The following NEDD1 variants were observed in gnomAD, a reference collection of about 807,000 sequenced individuals.
The protein encoded by NEDD1 is protein NEDD1.
A neutral mutation model predicts 74.0 loss-of-function variants in NEDD1; 33 were observed. The observed-to-expected ratio is 0.45, with a 90% CI of 0.34 to 0.60. The LOEUF (loss-of-function observed/expected upper bound fraction) is 0.60, where lower values mean the gene tolerates loss of function less well. NEDD1 is among the 20% of genes least tolerant of loss of function. The pLI, the probability that NEDD1 is intolerant of heterozygous loss-of-function variation, is 0.01. For missense variants in NEDD1, 746 were observed against 776.5 expected (o/e 0.96, Z 0.47); for synonymous variants, 250 against 264.4 (o/e 0.95, Z 0.53).
chr12:96,924,262 G>T (rs1472933175), intron 6 of NEDD1, among the ~76,000 whole-genome samples: 4 of 152,152 alleles, frequency 2.6e-5, no homozygotes, highest in Non-Finnish European at 5.9e-5. Context: ...CTTTATGGTA[G>T]ATCGTGATAT....
intron 14 of NEDD1, among the ~76,000 whole-genome samples, chr12:96,946,101 G>T (rs1227830613): frequency 4.6e-5 from 7 of 152,018 alleles, no homozygotes; most frequent in Non-Finnish European, 8.8e-5. Context: ...GACTGCCATT[G>T]TGAACTTTTT....
chr12:96,938,129 G>GTT (rs555827019), intron 9 of NEDD1, among the ~76,000 whole-genome samples: 1 of 150,322 alleles, frequency 6.7e-6, no homozygotes, highest in African/African-American at 2.4e-5. Context: ...ATTTATTGGT[G>GTT]TTTTTTTTTA....
intron 4 of NEDD1, among the ~76,000 whole-genome samples, chr12:96,913,357 C>A (rs184424756): frequency 4.1e-4 from 63 of 151,996 alleles, no homozygotes; most frequent in African/African-American, 1.5e-3. Flanking sequence ...GCTCTCACTA[C>A]GTACTGTTGC....
At chr12:96,934,887 A>T (rs1876925815) in intron 6 of NEDD1, 89 bp from the exon 7 acceptor site, 2 of 808,032 alleles carry the variant, frequency 2.5e-6, no homozygotes, top group Non-Finnish European at 2.1e-6. Context: ...CCATGTGAAT[A>T]GTGTGGTTGG....
At chr12:96,911,855 A>G (rs1873950369) in intron 3 of NEDD1, among the ~76,000 whole-genome samples, 1 of 152,220 alleles carries the variant, frequency 6.6e-6, no homozygotes, top group African/African-American at 2.4e-5. Flanking sequence ...AGTTATACAG[A>G]ACATTCAAAA....
At chr12:96,935,399 A>G (rs1876989253) in intron 7 of NEDD1, among the ~76,000 whole-genome samples, 194 bp downstream of exon 7, 1 of 152,184 alleles carries the variant, frequency 6.6e-6, no homozygotes, top group Non-Finnish European at 1.5e-5. Context: ...TATTTAGGGT[A>G]CTTCTGAAAC....
At chr12:96,907,501 C>A in intron 1 of NEDD1, 103 bp from the exon 2 acceptor site, 1 of 969,140 alleles carries the variant, frequency 1.0e-6, no homozygotes, top group Non-Finnish European at 1.6e-6. Context: ...CGGGGTCGCG[C>A]ACCTCCCGGA....
At chr12:96,937,471 G>T in intron 9 of NEDD1, 78 bp downstream of exon 9, 1 of 711,238 alleles carries the variant, frequency 1.4e-6, no homozygotes, top group South Asian at 2.7e-5. Context: ...CATATAATTA[G>T]CACATTCTTC....
At position 96,937,431 on chromosome 12, in the gene NEDD1, T is replaced by G. The variant is rs771750263; in HGVS notation, c.1117+38T>G. ...TATATATTGTTGGAGGGTTGGTTTG[T>G]TTTTTTTTTGTTTTTTTGTTTTTGG... is the stretch of plus-strand genomic sequence containing the variant. On this transcript the variant is annotated intron_variant, in intron 9 of 15. Coordinates refer to ENST00000266742, the MANE Select transcript of NEDD1 (RefSeq NM_152905.4). The G allele has an allele frequency of 6.3e-6, 7 of 1,113,830 alleles. No homozygotes were observed. In the Admixed American group the frequency reaches 9.5e-5, roughly 15 times the overall value. The allele number at this position is 1,113,830 out of a possible 1,614,324, so 69.0% of individuals were successfully genotyped here.
intron 14 of NEDD1, 90 bp downstream of exon 14, chr12:96,945,939 A>G (rs1878155545): frequency 7.7e-6 from 6 of 777,004 alleles, no homozygotes; most frequent in South Asian, 1.9e-5. Flanking sequence ...GTTGTTGGTT[A>G]CTATTGTCTA....
chr12:96,945,549 C>T, intron 13 of NEDD1, 144 bp from the exon 14 acceptor site: 1 of 587,014 alleles, frequency 1.7e-6, no homozygotes, highest in East Asian at 2.8e-5. Context: ...GATTTGTATT[C>T]CAGACAGTGA....
intron 13 of NEDD1, among the ~76,000 whole-genome samples, chr12:96,945,399 A>T (rs1041527237): frequency 6.6e-6 from 1 of 152,068 alleles, no homozygotes; most frequent in African/African-American, 2.4e-5. Context: ...GCAGCTTGTC[A>T]CATTCATCTT....
intron 5 of NEDD1, among the ~76,000 whole-genome samples, chr12:96,918,299 A>G (rs1874689016): frequency 6.6e-6 from 1 of 152,076 alleles, no homozygotes. Flanking sequence ...ATTCAGCACA[A>G]GAAAGTCTAT....
chr12:96,947,614 T>C (rs933724404), intron 14 of NEDD1, among the ~76,000 whole-genome samples: 1 of 152,162 alleles, frequency 6.6e-6, no homozygotes, highest in African/African-American at 2.4e-5. Context: ...CTTCAGATGA[T>C]TTGAGGACAG....
At chr12:96,948,760 C>T (rs1199123843) in intron 14 of NEDD1, among the ~76,000 whole-genome samples, 1 of 152,098 alleles carries the variant, frequency 6.6e-6, no homozygotes, top group Non-Finnish European at 1.5e-5. Context: ...GCCTTTATTC[C>T]TAGTGTGTAG....
At chr12:96,912,227 A>G (rs1301946731) in intron 3 of NEDD1, among the ~76,000 whole-genome samples, 1 of 152,082 alleles carries the variant, frequency 6.6e-6, no homozygotes, top group African/African-American at 2.4e-5. Context: ...ACATTCTATC[A>G]CAAAAATTCA....
Position 96,909,876 on chromosome 12 carries a change from A to G in NEDD1, c.117A>G (p.Ser39=). The G allele has an allele frequency of 6.2e-7, 1 of 1,611,064 alleles. No individual in the cohort carries two copies. The highest frequency in any genetic ancestry group is 8.5e-7 in the Non-Finnish European group (1 of 1,179,262). ...ACACATCACCACATGGAATCAGCTC[A>G]ATATGTTGGAGCAGCAATAGTATCC... ...NPHTSPHGIS[S]ICWSSNNNFL... The change falls in exon 3 of 16, where the codon TCA becomes TCG. Residue 39 remains serine, a synonymous_variant. Coordinates refer to ENST00000266742, the MANE Select transcript of NEDD1 (RefSeq NM_152905.4).
chr12:96,936,758 T>C lies in NEDD1; in HGVS notation c.867T>C (p.Ala289=). The C allele has an allele frequency of 6.2e-7, 1 of 1,612,900 alleles. No individual in the cohort carries two copies. Among genetic ancestry groups the C allele is most frequent in the South Asian group, 1.1e-5 (1 of 91,068 alleles). ...MLKSPVKTIS[A]HKTSVQCIAF... ...AATCACCAGTTAAGACCATCAGTGC[T>C]CACAAGACATCTGTGCAGTGTATAG... Residue 289 remains alanine (A), a synonymous_variant, in exon 8 of 16, where the codon GCT becomes GCC. Transcript: ENST00000266742.
chr12:96,951,091 G>A (rs1484842227), intron 14 of NEDD1, among the ~76,000 whole-genome samples: 3 of 151,790 alleles, frequency 2.0e-5, no homozygotes, highest in South Asian at 2.1e-4. Flanking sequence ...GGAGAGTTCA[G>A]GGGTTAAACA....
Sources: gnomAD v4.1 joint callset for allele counts (sites outside exome capture counted in the v4.1 genomes callset) on GRCh38, gnomAD v4.1.1 for gene constraint, MANE v1.5 for transcripts, NCBI Gene and HGNC (gene_info 2026-07-23, HGNC 2026-07-21) for gene names.